The following TRPC4 variants were observed in gnomAD, a reference collection of about 807,000 sequenced individuals.
TRPC4 encodes the protein transient receptor potential cation channel subfamily C member 4.
In TRPC4, 49 loss-of-function variants were observed where a neutral mutation model predicts 99.4. The observed-to-expected ratio is 0.49, with a 90% CI of 0.39 to 0.63. TRPC4 has a LOEUF of 0.63. TRPC4 is among the 20% of genes least tolerant of loss of function. The pLI is 0.00. For synonymous variants in TRPC4, 454 were observed against 425.9 expected (o/e 1.07, Z -0.81); for missense variants, 898 against 1,152.9 (o/e 0.78, Z 3.20).
chr13:37,658,430 T>C (rs763381419), intron 6 of TRPC4, among the ~76,000 whole-genome samples: 7 of 152,194 alleles, frequency 4.6e-5, no homozygotes, highest in African/African-American at 7.2e-5. Flanking sequence ...AAAAAAGTAA[T>C]GTATTCCATT....
chr13:37,649,173 A>G (rs921036117), intron 8 of TRPC4, among the ~76,000 whole-genome samples: 2 of 152,202 alleles, frequency 1.3e-5, no homozygotes, highest in African/African-American at 2.4e-5. Context: ...TCTGGAAAGG[A>G]GTAAGCTGAA....
chr13:37,811,724 G>C (rs1313677672), intron 1 of TRPC4, among the ~76,000 whole-genome samples: 1 of 152,026 alleles, frequency 6.6e-6, no homozygotes, highest in African/African-American at 2.4e-5. Flanking sequence ...ACAGGGTCAG[G>C]GACAGTCTAT....
chr13:37,770,710 C>T (rs933556904), intron 2 of TRPC4, among the ~76,000 whole-genome samples: 1 of 151,542 alleles, frequency 6.6e-6, no homozygotes. Context: ...CAACATTTAA[C>T]ATTAATTTAT....
intron 1 of TRPC4, among the ~76,000 whole-genome samples, chr13:37,796,564 G>A (rs1957251528): frequency 1.3e-5 from 2 of 152,080 alleles, no homozygotes; most frequent in Admixed American, 1.3e-4. Context: ...TTCTGAACCT[G>A]TTTTCTCATC....
intron 1 of TRPC4, among the ~76,000 whole-genome samples, chr13:37,818,738 G>A (rs185915647): frequency 6.6e-6 from 1 of 152,170 alleles, no homozygotes; most frequent in African/African-American, 2.4e-5. Flanking sequence ...ACTCATAAGT[G>A]GGAGTTGAAC....
At chr13:37,823,503 TC>T (rs1430563878) in intron 1 of TRPC4, among the ~76,000 whole-genome samples, 1 of 150,208 alleles carries the variant, frequency 6.7e-6, no homozygotes, top group Non-Finnish European at 1.5e-5. Context: ...TAGCCAGTTT[TC>T]CCAGCACCAT....
At chr13:37,645,480 G>A (rs190359187) in intron 8 of TRPC4, among the ~76,000 whole-genome samples, 1 of 152,192 alleles carries the variant, frequency 6.6e-6, no homozygotes, top group Admixed American at 6.5e-5. Flanking sequence ...TTTCAATGCC[G>A]TTTTCTCTCA....
chr13:37,712,823 G>A (rs1954528615), intron 3 of TRPC4, among the ~76,000 whole-genome samples: 1 of 152,178 alleles, frequency 6.6e-6, no homozygotes, highest in Non-Finnish European at 1.5e-5. Context: ...AATATCTCAT[G>A]TGCCTGAGAT....
chr13:37,771,931 A>G (rs1321201599), intron 2 of TRPC4, among the ~76,000 whole-genome samples: 1 of 151,650 alleles, frequency 6.6e-6, no homozygotes, highest in African/African-American at 2.4e-5. Context: ...CATGGAGACA[A>G]TAGAGGTAAG....
chr13:37,862,486 G>A (rs1289042310), intron 1 of TRPC4, among the ~76,000 whole-genome samples: 1 of 151,482 alleles, frequency 6.6e-6, no homozygotes, highest in Non-Finnish European at 1.5e-5. Context: ...AGTAATTAGT[G>A]GCAAAAAGGA....
Position 37,663,673 on chromosome 13 carries a change from T to G in TRPC4, c.1431A>C (p.Ala477=). The G allele has an allele frequency of 6.2e-7, 1 of 1,614,150 alleles. No homozygotes were observed. The highest frequency in any genetic ancestry group is 1.3e-5 in the African/African-American group (1 of 75,050). ...TGTTTGCAATAGCAAATAAAGCCTC[T>G]GCCACCAGAGTGGGATGCCACATGT... ...SWDMWHPTLV[A]EALFAIANIF... Residue 477 remains alanine, a synonymous_variant, in exon 6 of 11, where the codon GCA becomes GCC. Transcript: ENST00000379705.
chr13:37,749,545 G>T (rs917993186), intron 2 of TRPC4, among the ~76,000 whole-genome samples: 3 of 152,038 alleles, frequency 2.0e-5, no homozygotes, highest in Non-Finnish European at 4.4e-5. Context: ...TCAGGGGACA[G>T]GTTTGGGTCC....
At chr13:37,753,575 A>AAGAG (rs61394712) in intron 2 of TRPC4, among the ~76,000 whole-genome samples, 2,803 of 137,208 alleles carry the variant, frequency 0.02, 95 homozygotes, top group African/African-American at 0.073. Flanking sequence ...GAGAGAGAGA[A>AAGAG]AGAGAGAGAG....
At chr13:37,781,748 C>A (rs1566166565) in intron 2 of TRPC4, among the ~76,000 whole-genome samples, 1 of 152,008 alleles carries the variant, frequency 6.6e-6, no homozygotes, top group African/African-American at 2.4e-5. Context: ...GCTGTTTTAT[C>A]AAAGTCTTAG....
chr13:37,663,363 G>A, intron 6 of TRPC4, 53 bp downstream of exon 6: 4 of 1,510,464 alleles, frequency 2.6e-6, no homozygotes. Flanking sequence ...TTGTGATGTG[G>A]TGCACTCTAA....
chr13:37,838,677 C>T (rs533670023), intron 1 of TRPC4, among the ~76,000 whole-genome samples: 1 of 152,206 alleles, frequency 6.6e-6, no homozygotes, highest in Admixed American at 6.5e-5. Flanking sequence ...CTTTTACTTG[C>T]CCTGACTCTA....
At chr13:37,765,773 T>C (rs1245050675) in intron 2 of TRPC4, among the ~76,000 whole-genome samples, 1 of 151,526 alleles carries the variant, frequency 6.6e-6, no homozygotes, top group Non-Finnish European at 1.5e-5. Context: ...CATAAGTGCT[T>C]TATTGTCTTT....
At chr13:37,862,850 G>A (rs958156710) in intron 1 of TRPC4, among the ~76,000 whole-genome samples, 1 of 151,426 alleles carries the variant, frequency 6.6e-6, no homozygotes. Context: ...GTGCGTATGT[G>A]TAGACAGAGA....
At chr13:37,798,144 C>T (rs1957305260) in intron 1 of TRPC4, among the ~76,000 whole-genome samples, 1 of 152,076 alleles carries the variant, frequency 6.6e-6, no homozygotes, top group African/African-American at 2.4e-5. Flanking sequence ...TTCATTTAAG[C>T]TTTAACTAAA....
Sources: gnomAD v4.1 joint callset for allele counts (sites outside exome capture counted in the v4.1 genomes callset) on GRCh38, gnomAD v4.1.1 for gene constraint, MANE v1.5 for transcripts, NCBI Gene and HGNC (gene_info 2026-07-23, HGNC 2026-07-21) for gene names.